Variants in HTR1F observed in about 807,000 individuals in gnomAD.
HTR1F encodes 5-hydroxytryptamine (serotonin) receptor 1F, G protein-coupled.
In HTR1F, 17 loss-of-function variants were observed where a neutral mutation model predicts 24.0. The ratio of observed to expected loss-of-function variants is 0.71; its 90% CI spans 0.48 to 1.06. The LOEUF (loss-of-function observed/expected upper bound fraction) is 1.06, where lower values mean the gene tolerates loss of function less well. Ranked by LOEUF, HTR1F falls within the 50% of genes least tolerant of loss-of-function variation. The pLI is 0.00. For synonymous variants in HTR1F, 186 were observed against 156.8 expected (o/e 1.19, Z -1.39); for missense variants, 391 against 427.8 (o/e 0.91, Z 0.76).
At chr3:87,826,967 T>C (rs185111118) in intron 2 of HTR1F, among the ~76,000 whole-genome samples, 3 of 152,164 alleles carry the variant, frequency 2.0e-5, no homozygotes. Flanking sequence ...TGGGCCACCA[T>C]GCCCGGCTAA....
intron 2 of HTR1F, among the ~76,000 whole-genome samples, chr3:87,943,720 T>C (rs1413314833): frequency 6.6e-5 from 10 of 152,226 alleles, no homozygotes; most frequent in African/African-American, 2.4e-4. Context: ...TTTGCCTTCT[T>C]TTCTACAAAA....
intron 2 of HTR1F, among the ~76,000 whole-genome samples, chr3:87,874,343 A>T (rs895667793): frequency 2.0e-5 from 3 of 152,178 alleles, no homozygotes; most frequent in Admixed American, 6.5e-5. Context: ...TTCATACACT[A>T]ACAATGAACA....
At chr3:87,838,926 A>G (rs978154998) in intron 2 of HTR1F, among the ~76,000 whole-genome samples, 1 of 151,366 alleles carries the variant, frequency 6.6e-6, no homozygotes, top group South Asian at 2.1e-4. Flanking sequence ...TTAATTGCTT[A>G]CCTGCTGTAT....
rs1219465194 is a variant in HTR1F at position 87,882,140 on chromosome 3, C to T, written c.-43+60016C>T. 3.3e-5 allele frequency among the ~76,000 whole-genome samples: 5 copies of T among 152,270 alleles called. No individual in the cohort carries two copies. In the South Asian group the frequency reaches 1.0e-3, roughly 32 times the overall value. ...ACCATCACTGTCCATCAGAGAAATG[C>T]AAATCAAAACCACAATGAGATATCA... On this transcript the variant is annotated intron_variant, in intron 2 of 2. Coordinates refer to ENST00000319595, the MANE Select transcript of HTR1F (RefSeq NM_001322209.2).
intron 2 of HTR1F, among the ~76,000 whole-genome samples, chr3:87,949,350 A>G (rs1316887721): frequency 6.6e-6 from 1 of 152,230 alleles, no homozygotes; most frequent in African/African-American, 2.4e-5. Flanking sequence ...AAAGTCTGAC[A>G]CTGCATATCT....
chr3:87,844,659 T>C (rs1423017098), intron 2 of HTR1F, among the ~76,000 whole-genome samples: 1 of 132,136 alleles, frequency 7.6e-6, no homozygotes, highest in Non-Finnish European at 1.5e-5. Context: ...TTTATGGTTT[T>C]AGGTCTAACG....
In HTR1F at chr3:87,970,169, G is replaced by C. The variant is rs139160866; in HGVS notation, c.-42-20539G>C. On this transcript the variant is annotated intron_variant, in intron 2 of 2. Coordinates refer to ENST00000319595, the MANE Select transcript of HTR1F (RefSeq NM_001322209.2). ...GTAGGTTGCAACATTAAGCAGAGTA[G>C]TGGGAATTTGAGCAAAGATTTGAAG... is the stretch of plus-strand genomic sequence containing the variant. Among the ~76,000 whole-genome samples the C allele has an allele frequency of 1.0e-3, 154 of 152,348 alleles. 1 individual carries two copies. In the Middle Eastern group the frequency reaches 0.01, roughly 10 times the overall value.
In HTR1F at chr3:87,829,029, G is replaced by A. The variant is rs546050932; in HGVS notation, c.-43+6905G>A. ...AAGTAATTTTTAAAAATTTATTGTG[G>A]CAAAGTCAGCATACCAAAAAAAAAA... On this transcript the variant is annotated intron_variant, in intron 2 of 2. Coordinates refer to ENST00000319595, the MANE Select transcript of HTR1F (RefSeq NM_001322209.2). Among the ~76,000 whole-genome samples, 211 of 148,896 alleles carry A rather than the reference G, an allele frequency of 1.4e-3. 2 individuals are homozygous for A. The highest frequency in any genetic ancestry group is 1.7e-3 in the Non-Finnish European group (116 of 67,726).
chr3:87,943,958 C>T (rs1326502770), intron 2 of HTR1F, among the ~76,000 whole-genome samples: 2 of 152,228 alleles, frequency 1.3e-5, no homozygotes, highest in Non-Finnish European at 2.9e-5. Flanking sequence ...GGGATGCCAG[C>T]ACCCCTAGTC....
chr3:87,852,968 GTTT>G (rs35802056), intron 2 of HTR1F, among the ~76,000 whole-genome samples: 1 of 139,836 alleles, frequency 7.2e-6, no homozygotes. Context: ...TGTAGTGGCT[GTTT>G]TTTTTTTTTG....
intron 2 of HTR1F, among the ~76,000 whole-genome samples, chr3:87,948,944 T>G (rs1307698726): frequency 6.6e-6 from 1 of 152,244 alleles, no homozygotes; most frequent in Non-Finnish European, 1.5e-5. Flanking sequence ...TGTTAAACAC[T>G]AAAATCTTAT....
chr3:87,905,910 A>G (rs1373231193), intron 2 of HTR1F, among the ~76,000 whole-genome samples: 1 of 152,108 alleles, frequency 6.6e-6, no homozygotes, highest in Non-Finnish European at 1.5e-5. Flanking sequence ...ATATTAAGTC[A>G]AGACAATGAT....
chr3:87,878,934 T>C (rs1015794453), intron 2 of HTR1F, among the ~76,000 whole-genome samples: 1 of 152,160 alleles, frequency 6.6e-6, no homozygotes, highest in African/African-American at 2.4e-5. Context: ...CTTTTCATCT[T>C]TCAGCAGAAA....
chr3:87,939,074 T>C (rs1380930553), intron 2 of HTR1F, among the ~76,000 whole-genome samples: 1 of 152,174 alleles, frequency 6.6e-6, no homozygotes, highest in Non-Finnish European at 1.5e-5. Flanking sequence ...TAAACAAATT[T>C]ACAAGAGAAA....
chr3:87,878,557 A>G (rs997410197), intron 2 of HTR1F, among the ~76,000 whole-genome samples: 3 of 152,130 alleles, frequency 2.0e-5, no homozygotes, highest in Non-Finnish European at 4.4e-5. Context: ...AGCTTTCAAA[A>G]AATGCCCATC....
At chr3:87,976,948 C>T (rs574104037) in intron 2 of HTR1F, among the ~76,000 whole-genome samples, 1 of 152,102 alleles carries the variant, frequency 6.6e-6, no homozygotes, top group African/African-American at 2.4e-5. Flanking sequence ...GTAGTCAAGG[C>T]GGAGGAAAAG....
At chr3:87,865,385 A>C (rs535922558) in intron 2 of HTR1F, among the ~76,000 whole-genome samples, 2 of 152,266 alleles carry the variant, frequency 1.3e-5, no homozygotes, top group East Asian at 3.9e-4. Context: ...TCTCAAGATA[A>C]ACAGACCATA....
chr3:87,984,300 T>C (rs112569045), intron 2 of HTR1F, among the ~76,000 whole-genome samples: 27 of 152,360 alleles, frequency 1.8e-4, no homozygotes, highest in African/African-American at 6.0e-4. Context: ...TATTGCATTG[T>C]ATAATTGTAT....
chr3:87,896,098 A>G (rs941221910), intron 2 of HTR1F, among the ~76,000 whole-genome samples: 3 of 152,206 alleles, frequency 2.0e-5, no homozygotes, highest in African/African-American at 7.2e-5. Context: ...TGACATTGCT[A>G]GGGACAACAG....
Sources: allele counts gnomAD v4.1 joint callset (sites outside exome capture counted in the v4.1 genomes callset), GRCh38; gene constraint gnomAD v4.1.1; transcripts MANE v1.5; gene names NCBI Gene and HGNC (gene_info 2026-07-23, HGNC 2026-07-21).